MUC7: variants seen among roughly 807,000 people sequenced by gnomAD.
MUC7 encodes mucin 7, secreted, also known as mucin-7.
Under a neutral mutation model 2.5 loss-of-function variants are expected in MUC7, and 2 were observed. That is an observed-to-expected ratio of 0.81 (90% CI 0.33 to 2.55). MUC7 has a LOEUF of 2.55. MUC7 is among the 30% of genes most tolerant of loss of function. MUC7 has a pLI of 0.11. For synonymous variants in MUC7, 133 were observed against 173.4 expected (o/e 0.77, Z 1.83); for missense variants, 408 against 455.6 (o/e 0.90, Z 0.95).
At chr4:70,433,469 G>A (rs1733736264) in intron 1 of MUC7, among the ~76,000 whole-genome samples, 1 of 152,032 alleles carries the variant, frequency 6.6e-6, no homozygotes, top group Non-Finnish European at 1.5e-5. Context: ...TGTATTCTTA[G>A]GTATTTTATT....
intron 1 of MUC7, among the ~76,000 whole-genome samples, chr4:70,458,337 G>T (rs1734462928): frequency 6.6e-6 from 1 of 152,114 alleles, no homozygotes. Context: ...CCTGATAAAT[G>T]ATGAACTAGG....
upstream of MUC7, chr4:70,472,105 A>C (rs1326319405): frequency 4.6e-5 from 7 of 152,184 alleles, no homozygotes; most frequent in Admixed American, 4.6e-4. Context: ...AAATTCCTTG[A>C]CACAAATGAC....
chr4:70,477,636 C>G lies in MUC7; in HGVS notation c.55-3163C>G, dbSNP rs1411207423. On this transcript the variant is annotated intron_variant, in intron 2 of 2. Coordinates refer to ENST00000304887, the MANE Select transcript of MUC7 (RefSeq NM_152291.3). ...TCTATCCTTGTTCCTCATGTCTTCT[C>G]CCTCTTCTCTGCTCTCAAAAGTACA... Among the ~76,000 whole-genome samples, 3 of 152,086 alleles carry G rather than the reference C, an allele frequency of 2.0e-5. No homozygotes were observed. The East Asian group carries it at 5.8e-4, about 29-fold the overall frequency.
At chr4:70,452,400 C>T (rs1442045417) in intron 1 of MUC7, among the ~76,000 whole-genome samples, 1 of 151,732 alleles carries the variant, frequency 6.6e-6, no homozygotes, top group African/African-American at 2.4e-5. Flanking sequence ...TTTCTTGCTC[C>T]TTATTTTTTG....
intron 1 of MUC7, among the ~76,000 whole-genome samples, chr4:70,462,870 G>A (rs1734592693): frequency 6.6e-6 from 1 of 152,140 alleles, no homozygotes; most frequent in Non-Finnish European, 1.5e-5. Flanking sequence ...AGGAACTGCA[G>A]CAGGAGGATG....
intron 1 of MUC7, among the ~76,000 whole-genome samples, chr4:70,461,731 T>A (rs1734562075): frequency 6.6e-6 from 1 of 152,078 alleles, no homozygotes; most frequent in Admixed American, 6.6e-5. Flanking sequence ...TCCGCTTACC[T>A]TTTAAGATTT....
At chr4:70,454,534 G>C (rs1577905137) in intron 1 of MUC7, among the ~76,000 whole-genome samples, 1 of 152,204 alleles carries the variant, frequency 6.6e-6, no homozygotes, top group African/African-American at 2.4e-5. Context: ...CAACAGATGA[G>C]GGAAGGGTTG....
intron 2 of MUC7, among the ~76,000 whole-genome samples, chr4:70,475,419 G>T (rs1734969266): frequency 6.6e-6 from 1 of 152,096 alleles, no homozygotes; most frequent in South Asian, 2.1e-4. Flanking sequence ...GAAATCTAGG[G>T]GTAAAGTCTA....
chr4:70,438,362 A>T (rs570089791), intron 1 of MUC7, among the ~76,000 whole-genome samples: 2 of 152,174 alleles, frequency 1.3e-5, no homozygotes, highest in Non-Finnish European at 2.9e-5. Context: ...AAGACTGTTG[A>T]TGTTTGTTTG....
At chr4:70,447,398 G>A (rs1734172612) in intron 1 of MUC7, among the ~76,000 whole-genome samples, 1 of 152,006 alleles carries the variant, frequency 6.6e-6, no homozygotes, top group East Asian at 1.9e-4. Context: ...TTTGAGGAAG[G>A]AGGTAGCTTT....
chr4:70,442,453 C>T (rs1427177152), intron 1 of MUC7, among the ~76,000 whole-genome samples: 1 of 152,156 alleles, frequency 6.6e-6, no homozygotes, highest in Non-Finnish European at 1.5e-5. Context: ...CCCACCACCC[C>T]AACAGTGGTC....
chr4:70,438,088 T>A (rs1210358269), intron 1 of MUC7, among the ~76,000 whole-genome samples: 1 of 152,228 alleles, frequency 6.6e-6, no homozygotes, highest in Non-Finnish European at 1.5e-5. Context: ...CCCTTCTATC[T>A]GTAAGCTACT....
At chr4:70,455,258 C>T (rs973938277) in intron 1 of MUC7, among the ~76,000 whole-genome samples, 3 of 152,148 alleles carry the variant, frequency 2.0e-5, no homozygotes, top group African/African-American at 7.2e-5. Context: ...ATTACACCGG[C>T]CCCTGGGTCT....
intron 1 of MUC7, among the ~76,000 whole-genome samples, chr4:70,449,828 C>T (rs1422984320): frequency 1.3e-5 from 2 of 152,158 alleles, no homozygotes; most frequent in African/African-American, 4.8e-5. Flanking sequence ...TTCTGAGCCA[C>T]CTAAAGCTGG....
intron 1 of MUC7, among the ~76,000 whole-genome samples, chr4:70,473,371 G>A (rs557158386): frequency 6.6e-6 from 1 of 151,990 alleles, no homozygotes; most frequent in Non-Finnish European, 1.5e-5. Context: ...TTGAGTCTGG[G>A]GGGTGCAGGC....
chr4:70,435,745 T>C (rs1733814395), intron 1 of MUC7, among the ~76,000 whole-genome samples: 1 of 152,242 alleles, frequency 6.6e-6, no homozygotes, highest in African/African-American at 2.4e-5. Flanking sequence ...CCTGTCGTTA[T>C]GATGCTAGCT....
At chr4:70,451,421 G>A (rs978586893) in intron 1 of MUC7, among the ~76,000 whole-genome samples, 4 of 152,204 alleles carry the variant, frequency 2.6e-5, no homozygotes, top group Non-Finnish European at 4.4e-5. Context: ...GTGCTTGCCT[G>A]ATTTTCGGTT....
chr4:70,481,884 T>G lies in MUC7; in HGVS notation c.*6T>G. The G allele has an allele frequency of 1.2e-6, 2 of 1,611,440 alleles. No individual in the cohort carries two copies. On this transcript the variant is annotated 3_prime_UTR_variant, in exon 3 of 3. Coordinates refer to ENST00000304887, the MANE Select transcript of MUC7 (RefSeq NM_152291.3). ...ACGACATGGTGGAGCAATAGTATAT[T>G]GTATGTTGTAAAGTGTTCTGTCATT...
chr4:70,457,255 C>T (rs1734437635), intron 1 of MUC7, among the ~76,000 whole-genome samples: 2 of 152,110 alleles, frequency 1.3e-5, no homozygotes, highest in Admixed American at 6.6e-5. Context: ...CAAGCCTGTA[C>T]AACATAGTGA....
Sources: allele counts gnomAD v4.1 joint callset (sites outside exome capture counted in the v4.1 genomes callset), GRCh38; gene constraint gnomAD v4.1.1; transcripts MANE v1.5; gene names NCBI Gene and HGNC (gene_info 2026-07-23, HGNC 2026-07-21).